FAM120B: variants seen among roughly 807,000 people sequenced by gnomAD.
FAM120B encodes constitutive coactivator of peroxisome proliferator-activated receptor gamma.
In FAM120B, 83 loss-of-function variants were observed where a neutral mutation model predicts 96.3. The observed-to-expected ratio is 0.86, with a 90% CI of 0.72 to 1.03. The LOEUF (loss-of-function observed/expected upper bound fraction) is 1.03, where lower values mean the gene tolerates loss of function less well. Ranked by LOEUF, FAM120B falls within the 50% of genes least tolerant of loss-of-function variation. The pLI, the probability that FAM120B is intolerant of heterozygous loss-of-function variation, is 0.00. For missense variants in FAM120B, 1,027 were observed against 1,121.2 expected (o/e 0.92, Z 1.20); for synonymous variants, 407 against 402.7 (o/e 1.01, Z -0.13).
At chr6:170,297,138 G>A (rs1176185028) in intron 1 of FAM120B, among the ~76,000 whole-genome samples, 1 of 152,218 alleles carries the variant, frequency 6.6e-6, no homozygotes, top group Non-Finnish European at 1.5e-5. Flanking sequence ...ACAGCCTCTG[G>A]AGTGGCCCCT....
chr6:170,373,789 A>G (rs1437408350), intron 6 of FAM120B, among the ~76,000 whole-genome samples: 2 of 152,240 alleles, frequency 1.3e-5, no homozygotes, highest in Non-Finnish European at 2.9e-5. Context: ...GAATTTTGCA[A>G]TGAACACACT....
chr6:170,350,372 T>G (rs960350038), intron 5 of FAM120B, among the ~76,000 whole-genome samples: 11 of 152,236 alleles, frequency 7.2e-5, no homozygotes, highest in African/African-American at 2.4e-4. Context: ...TGCTTCAGCC[T>G]GCCAGCTTTG....
At chr6:170,297,001 C>T (rs112263332) in intron 1 of FAM120B, among the ~76,000 whole-genome samples, 7 of 152,376 alleles carry the variant, frequency 4.6e-5, no homozygotes, top group East Asian at 3.9e-4. Context: ...CCCAGGGCGG[C>T]CTGTCAATCA....
intron 5 of FAM120B, among the ~76,000 whole-genome samples, chr6:170,351,904 G>A (rs562947133): frequency 9.2e-5 from 14 of 152,252 alleles, no homozygotes; most frequent in Admixed American, 3.3e-4. Context: ...TAACCAACTA[G>A]CATCATGATG....
intron 6 of FAM120B, among the ~76,000 whole-genome samples, chr6:170,376,275 T>G (rs568717022): frequency 9.2e-5 from 14 of 152,252 alleles, no homozygotes; most frequent in African/African-American, 3.1e-4. Context: ...CAGACAGATC[T>G]GGAAGTGTGA....
intron 6 of FAM120B, among the ~76,000 whole-genome samples, chr6:170,364,325 A>G (rs1014671471): frequency 6.6e-6 from 1 of 152,152 alleles, no homozygotes; most frequent in Non-Finnish European, 1.5e-5. Context: ...ATGCCAAGTC[A>G]CTATCCCAGA....
chr6:170,377,105 C>T lies in FAM120B; in HGVS notation c.2284-11182C>T, dbSNP rs537883327. Among the ~76,000 whole-genome samples the T allele has an allele frequency of 3.2e-5, 4 of 126,638 alleles. 1 individual carries two copies. In the South Asian group the frequency reaches 1.2e-3, roughly 38 times the overall value. The allele number at this position is 126,638 out of a possible 152,430, so 83.1% of individuals were successfully genotyped here. On this transcript the variant is annotated intron_variant, in intron 6 of 10. Coordinates refer to ENST00000476287, the MANE Select transcript of FAM120B (RefSeq NM_032448.3). The stretch of plus-strand genomic sequence containing the variant: ...CACGCTGCTCGGTGCTGTGCACACG[C>T]GTCCCTAATCCCAGATGCCTGGGAG...
chr6:170,365,797 G>C (rs1788753089), intron 6 of FAM120B, among the ~76,000 whole-genome samples: 1 of 151,662 alleles, frequency 6.6e-6, no homozygotes. Context: ...CCTGGAGCAG[G>C]GCTCTGCTGG....
upstream of FAM120B, among the ~76,000 whole-genome samples, chr6:170,303,021 C>G (rs184992869): frequency 6.6e-6 from 1 of 152,172 alleles, no homozygotes; most frequent in South Asian, 2.1e-4. Flanking sequence ...GAGTGACAGT[C>G]GTGCCACTTA....
chr6:170,294,607 C>T (rs1783956638), upstream of FAM120B, among the ~76,000 whole-genome samples: 1 of 152,212 alleles, frequency 6.6e-6, no homozygotes, highest in Admixed American at 6.5e-5. This position sits in a 1 kb window ranked among gnomAD's most constrained non-coding sequence, Gnocchi z 7.9. Context: ...CCATCCTCAG[C>T]AGTGTGTGCA....
chr6:170,290,816 G>T, upstream of FAM120B: 2 of 606,914 alleles, frequency 3.3e-6, no homozygotes, highest in South Asian at 3.8e-5. The surrounding 1 kb of genome is among the most constrained non-coding windows in gnomAD (Gnocchi z 4.7). Flanking sequence ...GTACACACGC[G>T]CAGGACCGGA....
intron 3 of FAM120B, among the ~76,000 whole-genome samples, chr6:170,328,463 C>T (rs1785754185): frequency 6.6e-6 from 1 of 152,070 alleles, no homozygotes; most frequent in South Asian, 2.1e-4. Flanking sequence ...AATTTTAGGT[C>T]GTTCTGTATT....
chr6:170,366,896 A>G (rs1405369217), intron 6 of FAM120B, among the ~76,000 whole-genome samples: 2 of 151,966 alleles, frequency 1.3e-5, no homozygotes, highest in African/African-American at 2.4e-5. Flanking sequence ...GTTATTTTTT[A>G]GATTTTTTTT....
At chr6:170,345,383 C>T (rs1787111134) in intron 4 of FAM120B, among the ~76,000 whole-genome samples, 1 of 152,106 alleles carries the variant, frequency 6.6e-6, no homozygotes, top group Non-Finnish European at 1.5e-5. Flanking sequence ...GTGGGAGGAC[C>T]ACTTGAGGCC....
rs773813812 is a variant in FAM120B at position 170,395,499 on chromosome 6, G to A, written c.2612G>A (p.Arg871Lys). ...TGTGTTCCCACAGGGAGGTGGGGAA[G>A]ACAGGGCTCCAGCTACCACAGGACG... is the stretch of plus-strand genomic sequence containing the variant. Reference protein sequence around the residue: ...WGSHHAGRWGRQGSSYHRTGS... With the variant: ...WGSHHAGRWGKQGSSYHRTGS... The change falls in exon 9 of 11, where the codon AGA (arginine) becomes AAA (lysine). Residue 871 changes from arginine to lysine, a missense_variant. Physicochemically the swap from Arg to Lys is conservative, Grantham distance 26. Transcript: ENST00000476287. 11 of 1,594,982 alleles carry A rather than the reference G, an allele frequency of 6.9e-6. No homozygotes were observed. The East Asian group carries it at 2.3e-4, about 33-fold the overall frequency.
chr6:170,361,281 T>A (rs2115202504), intron 6 of FAM120B, among the ~76,000 whole-genome samples: 1 of 143,682 alleles, frequency 7.0e-6, no homozygotes, highest in African/African-American at 2.5e-5. Context: ...TACATACATA[T>A]TAAAAATTTA....
At chr6:170,341,337 C>T (rs1355617438) in intron 4 of FAM120B, among the ~76,000 whole-genome samples, 2 of 152,180 alleles carry the variant, frequency 1.3e-5, no homozygotes, top group African/African-American at 4.8e-5. Flanking sequence ...ATGGCAGACG[C>T]CCCTCCCCCC....
chr6:170,336,943 T>C (rs1252353559), intron 4 of FAM120B, among the ~76,000 whole-genome samples: 1 of 152,184 alleles, frequency 6.6e-6, no homozygotes, highest in Non-Finnish European at 1.5e-5. Flanking sequence ...GCTGAGACAA[T>C]GGGGTTTTCT....
At chr6:170,304,656 C>T (rs1784216400), upstream of FAM120B, among the ~76,000 whole-genome samples, 1 of 152,156 alleles carries the variant, frequency 6.6e-6, no homozygotes, top group African/African-American at 2.4e-5. Context: ...TCAAGGCCTC[C>T]CCAGTCCAGC....
Sources: allele counts gnomAD v4.1 joint callset (sites outside exome capture counted in the v4.1 genomes callset), GRCh38; gene constraint gnomAD v4.1.1; non-coding constraint Gnocchi (gnomAD v3.1); transcripts MANE v1.5; gene names NCBI Gene and HGNC (gene_info 2026-07-23, HGNC 2026-07-21).